STARD13: variants seen among roughly 807,000 people sequenced by gnomAD.
The protein encoded by STARD13 is stAR-related lipid transfer protein 13.
STARD13 carries 62 observed loss-of-function variants against 106.4 expected under a neutral mutation model. That is an observed-to-expected ratio of 0.58 (90% CI 0.48 to 0.72). The LOEUF (loss-of-function observed/expected upper bound fraction) is 0.72. STARD13 is among the 30% of genes least tolerant of loss of function. The pLI is 0.00. For missense variants in STARD13, 1,387 were observed against 1,424.0 expected, an observed-to-expected ratio of 0.97 and a Z score of 0.42; for synonymous variants, 565 against 553.0, an observed-to-expected ratio of 1.02 and a Z score of -0.31.
chr13:33,545,285 CG>C, the STARD13 span, among the ~76,000 whole-genome samples: 161 of 151,880 alleles, frequency 1.1e-3, no homozygotes, highest in Non-Finnish European at 1.5e-3. Flanking sequence ...TTAGTAGAGA[CG>C]GGGTTTCACC....
chr13:33,586,190 T>C, the STARD13 span, among the ~76,000 whole-genome samples: 2 of 152,256 alleles, frequency 1.3e-5, no homozygotes, highest in Admixed American at 1.3e-4. Flanking sequence ...GATTTTTGTG[T>C]ATGCAGAAGC....
the STARD13 span, among the ~76,000 whole-genome samples, chr13:33,656,481 T>C: frequency 6.6e-6 from 1 of 152,186 alleles, no homozygotes; most frequent in Non-Finnish European, 1.5e-5. Flanking sequence ...ACACTTCTCA[T>C]AAAAAATTAG....
intron 1 of STARD13, among the ~76,000 whole-genome samples, chr13:33,259,464 T>C (rs1245987721): frequency 1.3e-5 from 2 of 152,200 alleles, no homozygotes; most frequent in Admixed American, 6.5e-5. Context: ...GGCTTTGGTG[T>C]CAGTTCCCAT....
At chr13:33,418,566 G>C in the STARD13 span, among the ~76,000 whole-genome samples, 2 of 152,234 alleles carry the variant, frequency 1.3e-5, no homozygotes, top group Non-Finnish European at 2.9e-5. Context: ...GTCCCTGTCT[G>C]ACAGCTCTGA....
intron 1 of STARD13, among the ~76,000 whole-genome samples, chr13:33,233,849 A>G (rs955169984): frequency 6.6e-6 from 1 of 152,244 alleles, no homozygotes; most frequent in African/African-American, 2.4e-5. Flanking sequence ...GGCCCTGCAC[A>G]GAAGTTGCTC....
intron 1 of STARD13, among the ~76,000 whole-genome samples, chr13:33,195,884 T>C (rs1015573999): frequency 4.6e-5 from 7 of 151,988 alleles, no homozygotes; most frequent in African/African-American, 1.7e-4. Flanking sequence ...CCTCAAAGGG[T>C]GGTCGTGAGG....
At chr13:33,440,572 G>A in the STARD13 span, among the ~76,000 whole-genome samples, 1 of 151,164 alleles carries the variant, frequency 6.6e-6, no homozygotes, top group African/African-American at 2.4e-5. Flanking sequence ...CCTTTTGCTT[G>A]TGCCCTTCTT....
the STARD13 span, among the ~76,000 whole-genome samples, chr13:33,598,429 T>G: frequency 6.6e-6 from 1 of 152,244 alleles, no homozygotes; most frequent in Non-Finnish European, 1.5e-5. Context: ...GGGTACTAAA[T>G]GACTCTTTTT....
At chr13:33,315,158 C>T (rs1893281251) in intron 1 of STARD13, among the ~76,000 whole-genome samples, 1 of 152,160 alleles carries the variant, frequency 6.6e-6, no homozygotes, top group Non-Finnish European at 1.5e-5. Flanking sequence ...AATGAGCTTA[C>T]TGTCATTAAA....
At chr13:33,532,191 A>G in the STARD13 span, among the ~76,000 whole-genome samples, 1 of 152,122 alleles carries the variant, frequency 6.6e-6, no homozygotes, top group Admixed American at 6.6e-5. Flanking sequence ...CTACAAAGTA[A>G]GTTTTTCTGG....
chr13:33,285,380 G>A (rs1200155365), intron 1 of STARD13, 90 bp downstream of exon 1: 1 of 1,372,912 alleles, frequency 7.3e-7, no homozygotes. Flanking sequence ...TTATAAAGTG[G>A]AAACAAACAA....
At chr13:33,215,519 G>A (rs937541020) in intron 1 of STARD13, among the ~76,000 whole-genome samples, 1 of 152,160 alleles carries the variant, frequency 6.6e-6, no homozygotes, top group Non-Finnish European at 1.5e-5. Flanking sequence ...ATGTAGTTCA[G>A]AGTTTGGATC....
intron 1 of STARD13, among the ~76,000 whole-genome samples, chr13:33,245,602 A>G (rs9591622): frequency 0.043 from 6,590 of 152,312 alleles, 197 homozygotes; most frequent in Middle Eastern, 0.1. Context: ...TGAAACATAC[A>G]AATTGTATAA....
At chr13:33,256,576 A>G (rs1286137535) in intron 1 of STARD13, among the ~76,000 whole-genome samples, 1 of 152,194 alleles carries the variant, frequency 6.6e-6, no homozygotes, top group Non-Finnish European at 1.5e-5. Context: ...TTTTGTTTCC[A>G]TGGTAATCAT....
At chr13:33,490,717 A>G in the STARD13 span, among the ~76,000 whole-genome samples, 1 of 151,870 alleles carries the variant, frequency 6.6e-6, no homozygotes, top group African/African-American at 2.4e-5. Flanking sequence ...GTGTGACCCA[A>G]TTTTTCCGGG....
At chr13:33,377,289 G>A in the STARD13 span, among the ~76,000 whole-genome samples, 3 of 148,146 alleles carry the variant, frequency 2.0e-5, no homozygotes, top group Non-Finnish European at 3.0e-5. Flanking sequence ...GCAAACAAGA[G>A]CCACGTTCTG....
At chr13:33,229,969 C>T (rs1888829378) in intron 1 of STARD13, among the ~76,000 whole-genome samples, 1 of 152,174 alleles carries the variant, frequency 6.6e-6, no homozygotes, top group Admixed American at 6.5e-5. Flanking sequence ...AGAGACAAAC[C>T]CTAGTGAATC....
chr13:33,650,164 A>ATGTTTTTTTTT, the STARD13 span, among the ~76,000 whole-genome samples: 29 of 48,376 alleles, frequency 6.0e-4, 1 homozygote, highest in East Asian at 7.3e-3. Flanking sequence ...CGTGACTCCA[A>ATGTTTTTTTTT]TTTTTTTTTT....
chr13:33,185,731 C>A, intron 1 of STARD13: 1 of 708,070 alleles, frequency 1.4e-6, no homozygotes, highest in South Asian at 1.9e-5. Context: ...TTCCTCTTTG[C>A]CTCTCTGATT....
Sources: gnomAD v4.1 joint callset for allele counts (sites outside exome capture counted in the v4.1 genomes callset) on GRCh38, gnomAD v4.1.1 for gene constraint, MANE v1.5 for transcripts, NCBI Gene and HGNC (gene_info 2026-07-23, HGNC 2026-07-21) for gene names.